Variants in GRID1 observed in about 807,000 individuals in gnomAD.
The protein encoded by GRID1 is glutamate receptor ionotropic, delta-1.
A neutral mutation model predicts 98.0 loss-of-function variants in GRID1; 28 were observed. The ratio of observed to expected loss-of-function variants is 0.29; its 90% CI spans 0.21 to 0.39. The LOEUF is 0.39. GRID1 is among the 10% of genes least tolerant of loss of function. The pLI is 1.00. For synonymous variants in GRID1, 553 were observed against 538.5 expected (o/e 1.03, Z -0.37); for missense variants, 1,111 against 1,340.5 (o/e 0.83, Z 2.67).
intron 4 of GRID1, among the ~76,000 whole-genome samples, chr10:86,049,489 T>C (rs892159496): frequency 6.6e-6 from 1 of 152,164 alleles, no homozygotes; most frequent in Non-Finnish European, 1.5e-5. Flanking sequence ...GATTGTGAGA[T>C]TGGGGGACTG....
chr10:86,174,737 A>G (rs1271867687), intron 3 of GRID1, among the ~76,000 whole-genome samples: 1 of 149,514 alleles, frequency 6.7e-6, no homozygotes, highest in Non-Finnish European at 1.5e-5. Flanking sequence ...TTCGCAACCT[A>G]CTCATCTGAC....
chr10:86,172,235 AT>A (rs1455917763), intron 3 of GRID1, among the ~76,000 whole-genome samples: 4 of 152,170 alleles, frequency 2.6e-5, no homozygotes, highest in Admixed American at 6.5e-5. Context: ...GACATTGCAT[AT>A]AAGTGGAATC....
chr10:86,166,820 C>T (rs751843033), intron 3 of GRID1, among the ~76,000 whole-genome samples: 1 of 152,192 alleles, frequency 6.6e-6, no homozygotes, highest in Non-Finnish European at 1.5e-5. Flanking sequence ...ACACTATTTG[C>T]GGCAGGCTTT....
intron 12 of GRID1, among the ~76,000 whole-genome samples, chr10:85,677,210 A>G (rs1841154506): frequency 6.6e-6 from 1 of 152,208 alleles, no homozygotes; most frequent in South Asian, 2.1e-4. Context: ...TCAACAGGAT[A>G]AGAGATAAAG....
At chr10:85,804,223 C>G (rs1295152231) in intron 8 of GRID1, among the ~76,000 whole-genome samples, 2 of 150,638 alleles carry the variant, frequency 1.3e-5, no homozygotes, top group African/African-American at 4.9e-5. Flanking sequence ...ATTCTACGAA[C>G]ATGAAAATGA....
At chr10:86,309,647 A>G (rs1294287598) in intron 2 of GRID1, among the ~76,000 whole-genome samples, 1 of 152,192 alleles carries the variant, frequency 6.6e-6, no homozygotes, top group Non-Finnish European at 1.5e-5. Context: ...TTGTTCTCCC[A>G]GTGATCTTTA....
chr10:85,852,443 T>G lies in GRID1; in HGVS notation c.1233+2053A>C, dbSNP rs572753681. Among the ~76,000 whole-genome samples, 7 of 152,122 alleles carry G rather than the reference T, an allele frequency of 4.6e-5. No individual in the cohort carries two copies. The South Asian group carries it at 1.5e-3, about 32-fold the overall frequency. On this transcript the variant is annotated intron_variant, in intron 8 of 15. Coordinates refer to ENST00000327946, the MANE Select transcript of GRID1 (RefSeq NM_017551.3). The stretch of plus-strand genomic sequence containing the variant: ...CTCCCCCTCTCTCAGGCACCTGAGG[T>G]GGCCAGCCTGGCGCCAGGCACAGGA...
chr10:85,860,468 C>G (rs375611852), intron 6 of GRID1, among the ~76,000 whole-genome samples: 37 of 152,304 alleles, frequency 2.4e-4, no homozygotes, highest in African/African-American at 8.7e-4. Flanking sequence ...GAAGTCAAGG[C>G]CAGACAGAAG....
intron 4 of GRID1, among the ~76,000 whole-genome samples, chr10:86,050,516 A>C (rs1438488655): frequency 1.3e-5 from 2 of 152,212 alleles, no homozygotes; most frequent in East Asian, 3.8e-4. Flanking sequence ...GTACAAAATC[A>C]ATATTAAAAG....
intron 4 of GRID1, among the ~76,000 whole-genome samples, chr10:85,981,383 C>T (rs1268191229): frequency 6.6e-6 from 1 of 152,226 alleles, no homozygotes; most frequent in Non-Finnish European, 1.5e-5. Flanking sequence ...CGCAGATCAT[C>T]AGCCTTTGTA....
chr10:85,624,385 A>C (rs956314037), intron 13 of GRID1, among the ~76,000 whole-genome samples: 21 of 152,178 alleles, frequency 1.4e-4, no homozygotes, highest in African/African-American at 5.1e-4. Context: ...GTGGAAACTT[A>C]GGCTGGAGAC....
At chr10:85,826,972 T>A (rs964142293) in intron 8 of GRID1, among the ~76,000 whole-genome samples, 2 of 151,958 alleles carry the variant, frequency 1.3e-5, no homozygotes, top group African/African-American at 4.8e-5. Context: ...AAGCAAAAAA[T>A]CTCATTCAAA....
intron 8 of GRID1, among the ~76,000 whole-genome samples, chr10:85,736,374 A>G (rs980433582): frequency 2.0e-5 from 3 of 152,156 alleles, no homozygotes. Flanking sequence ...TCTCATGCTT[A>G]ATAATATCCA....
At chr10:85,856,775 G>A (rs1037755544) in intron 6 of GRID1, among the ~76,000 whole-genome samples, 3 of 152,176 alleles carry the variant, frequency 2.0e-5, no homozygotes, top group Non-Finnish European at 2.9e-5. Context: ...TTTTCCAAAA[G>A]AGGCAATATA....
chr10:85,745,651 A>G (rs1355986762), intron 8 of GRID1, among the ~76,000 whole-genome samples: 1 of 144,186 alleles, frequency 6.9e-6, no homozygotes, highest in African/African-American at 2.6e-5. Flanking sequence ...GCAGCGCACC[A>G]GCATGGCACA....
At chr10:85,626,499 C>A (rs949893835) in intron 13 of GRID1, among the ~76,000 whole-genome samples, 3 of 152,208 alleles carry the variant, frequency 2.0e-5, no homozygotes, top group South Asian at 4.1e-4. Context: ...CATGGAGTCA[C>A]TGAAACTCTG....
intron 4 of GRID1, among the ~76,000 whole-genome samples, chr10:86,075,398 C>T (rs1430037910): frequency 6.7e-6 from 1 of 149,954 alleles, no homozygotes; most frequent in Non-Finnish European, 1.5e-5. Flanking sequence ...GTGATGCTGC[C>T]ACAAGCCAAG....
At chr10:85,807,019 A>C (rs962450679) in intron 8 of GRID1, among the ~76,000 whole-genome samples, 1 of 152,154 alleles carries the variant, frequency 6.6e-6, no homozygotes, top group Non-Finnish European at 1.5e-5. Flanking sequence ...CTGCTTTTAA[A>C]AGTAAAAAAA....
chr10:85,710,969 TAAC>T (rs1199046085), intron 12 of GRID1, among the ~76,000 whole-genome samples: 1 of 152,004 alleles, frequency 6.6e-6, no homozygotes, highest in Admixed American at 6.6e-5. Flanking sequence ...AAAAAGCAGA[TAAC>T]AACAAGTGTC....
Sources: allele counts gnomAD v4.1 joint callset (sites outside exome capture counted in the v4.1 genomes callset), GRCh38; gene constraint gnomAD v4.1.1; transcripts MANE v1.5; gene names NCBI Gene and HGNC (gene_info 2026-07-23, HGNC 2026-07-21).